Variants in RMND5A observed in about 807,000 individuals in gnomAD.
The protein encoded by RMND5A is E3 ubiquitin-protein transferase RMND5A.
A neutral mutation model predicts 49.7 loss-of-function variants in RMND5A; 17 were observed. The ratio of observed to expected loss-of-function variants is 0.34; its 90% CI spans 0.23 to 0.51. The LOEUF is 0.51. Among genes scored for constraint, RMND5A ranks in the 20% least tolerant of loss-of-function variants. The pLI is 0.96. For missense variants in RMND5A, 255 were observed against 471.3 expected (o/e 0.54, Z 4.25); for synonymous variants, 156 against 167.7 (o/e 0.93, Z 0.54).
chr2:86,748,935 G>A (rs1258021615), intron 2 of RMND5A, among the ~76,000 whole-genome samples: 1 of 152,194 alleles, frequency 6.6e-6, no homozygotes, highest in East Asian at 1.9e-4. Flanking sequence ...CAGTTGATAA[G>A]TTAGTGAGAG....
At chr2:86,764,736 G>A (rs763472102) in intron 4 of RMND5A, among the ~76,000 whole-genome samples, 2 of 152,166 alleles carry the variant, frequency 1.3e-5, no homozygotes, top group African/African-American at 2.4e-5. Context: ...GGCTGACACC[G>A]CTTCAAAGTG....
chr2:86,771,536 C>CTT (rs56328788), intron 7 of RMND5A, 22 bp from the exon 8 acceptor site: 255 of 1,424,590 alleles, frequency 1.8e-4, no homozygotes, highest in African/African-American at 7.5e-4. Context: ...AGCTTTTTTA[C>CTT]TTTTTTTTTT....
intron 4 of RMND5A, among the ~76,000 whole-genome samples, chr2:86,762,499 G>A (rs568107722): frequency 9.9e-5 from 15 of 151,594 alleles, no homozygotes; most frequent in Non-Finnish European, 1.8e-4. Flanking sequence ...GCAAAAATGA[G>A]CTGGATGCAG....
Position 86,770,266 on chromosome 2 carries a change from A to T in RMND5A, c.957+141A>T, listed in dbSNP as rs572611262. The T allele has an allele frequency of 2.9e-3, 1,948 of 665,682 alleles. 9 individuals carry two copies. The highest frequency in any genetic ancestry group is 4.3e-3 in the Non-Finnish European group (1,631 of 375,856). 41.2% of individuals were successfully genotyped at this position (665,682 alleles called of 1,614,324 possible). On this transcript the variant is annotated intron_variant, in intron 7 of 8. Coordinates refer to ENST00000283632, the MANE Select transcript of RMND5A (RefSeq NM_022780.4). The stretch of plus-strand genomic sequence containing the variant: ...CTTTTATGGATATATAAAAGATTAA[A>T]CAATACAAATGAAGAGCCTAGTACA...
chr2:86,769,455 A>G (rs1290706387), intron 6 of RMND5A, among the ~76,000 whole-genome samples: 3 of 152,226 alleles, frequency 2.0e-5, no homozygotes, highest in African/African-American at 7.2e-5. Context: ...TATGTCTTGT[A>G]TATTGCTGAG....
chr2:86,764,147 T>A (rs905044863), intron 4 of RMND5A, among the ~76,000 whole-genome samples: 1 of 152,232 alleles, frequency 6.6e-6, no homozygotes, highest in Admixed American at 6.5e-5. Flanking sequence ...GATTTTGTAT[T>A]CTTACCCAGT....
intron 4 of RMND5A, among the ~76,000 whole-genome samples, chr2:86,764,123 T>C (rs1195496794): frequency 3.3e-5 from 5 of 152,228 alleles, no homozygotes; most frequent in African/African-American, 1.2e-4. Flanking sequence ...TCTTGTGGTT[T>C]ATGGAGTTAC....
intron 4 of RMND5A, among the ~76,000 whole-genome samples, chr2:86,755,249 G>A (rs1015552062): frequency 6.6e-6 from 1 of 151,938 alleles, no homozygotes; most frequent in African/African-American, 2.4e-5. Flanking sequence ...CTCCTGAGTA[G>A]CTAAGACTAC....
chr2:86,754,035 C>T (rs1426007871), intron 4 of RMND5A, among the ~76,000 whole-genome samples: 1 of 152,132 alleles, frequency 6.6e-6, no homozygotes, highest in African/African-American at 2.4e-5. Context: ...GGTAATTGAC[C>T]ATGAACCTCT....
Position 86,753,524 on chromosome 2 carries a change from G to A in RMND5A, c.487G>A (p.Ala163Thr). Residue 163 changes from alanine to threonine, a missense_variant, in exon 4 of 9, where the codon GCA becomes ACA. Physicochemically the swap from Ala to Thr is moderately conservative, Grantham distance 58 (BLOSUM62 0). This residue lies in a region of RMND5A where 208 missense variants were observed against 339.8 expected (regional missense o/e 0.61). Coordinates refer to ENST00000283632, the MANE Select transcript of RMND5A (RefSeq NM_022780.4). Reference protein sequence around the residue: ...PFVELNRILEALKVRVLRPAL... With the variant: ...PFVELNRILETLKVRVLRPAL... ...TGTGGAGTTAAATAGAATATTAGAG[G>A]CATTAAAGGTCAGAGTTCTGAGACC... 6.2e-7 allele frequency: 1 copy of A among 1,611,044 alleles called. No homozygotes were observed. The highest frequency in any genetic ancestry group is 8.5e-7 in the Non-Finnish European group (1 of 1,177,624).
chr2:86,724,110 G>C (rs1412075484), intron 1 of RMND5A, among the ~76,000 whole-genome samples: 5 of 149,418 alleles, frequency 3.3e-5, no homozygotes, highest in Admixed American at 3.3e-4. Flanking sequence ...CTTTTAAATG[G>C]GGTTGGACTG....
In RMND5A at chr2:86,776,353, C is replaced by T. The variant is rs1302818850; in HGVS notation, c.*2942C>T. The T allele has an allele frequency of 6.6e-6, 1 of 152,164 alleles. No individual in the cohort carries two copies. The highest frequency in any genetic ancestry group is 1.5e-5 in the Non-Finnish European group (1 of 68,036). 9.4% of individuals were successfully genotyped at this position (152,164 alleles called of 1,614,324 possible). On this transcript the variant is annotated 3_prime_UTR_variant, in exon 9 of 9. Coordinates refer to ENST00000283632, the MANE Select transcript of RMND5A (RefSeq NM_022780.4). ...TTGAAGAAAAGAGCCACCTCATATT[C>T]ATAGGGTGTGTATTTTTTGAGTGTG...
intron 1 of RMND5A, 35 bp downstream of exon 1, chr2:86,720,844 C>T (rs1681194307): frequency 1.9e-6 from 3 of 1,539,754 alleles, no homozygotes; most frequent in Non-Finnish European, 1.7e-6. Flanking sequence ...GGGGCATGGC[C>T]CACTGCCCGA....
intron 2 of RMND5A, among the ~76,000 whole-genome samples, chr2:86,742,478 T>C (rs1681465468): frequency 6.9e-6 from 1 of 144,010 alleles, no homozygotes; most frequent in Non-Finnish European, 1.5e-5. Flanking sequence ...TTTGAAGTCT[T>C]CAGTTGGTTC....
At chr2:86,764,483 TTTGC>T (rs1292615686) in intron 4 of RMND5A, among the ~76,000 whole-genome samples, 1 of 152,328 alleles carries the variant, frequency 6.6e-6, no homozygotes, top group South Asian at 2.1e-4. Flanking sequence ...TACAAATCAT[TTTGC>T]ACAGTAAGAT....
chr2:86,744,225 G>T (rs1021550443), intron 2 of RMND5A, among the ~76,000 whole-genome samples: 3 of 152,124 alleles, frequency 2.0e-5, no homozygotes, highest in Non-Finnish European at 4.4e-5. Context: ...CAGGAATTCC[G>T]TGTAGGCTGT....
chr2:86,776,850 TATCTC>T lies in RMND5A; in HGVS notation c.*3440_*3444del. 8.5e-6 allele frequency: 1 copy of T among 117,818 alleles called. No homozygotes were observed. The highest frequency in any genetic ancestry group is 3.4e-5 in the African/African-American group (1 of 29,598). 7.3% of individuals were successfully genotyped at this position (117,818 alleles called of 1,614,324 possible). Reference sequence around the variant, plus strand: ...TTTCATCACTTAACTATACGTACTTTATCTCTGGTAACACTAGAATGCTGTGGTCT... The same window carrying T: ...TTTCATCACTTAACTATACGTACTTTTGGTAACACTAGAATGCTGTGGTCT... On this transcript the variant is annotated 3_prime_UTR_variant, in exon 9 of 9. Transcript: ENST00000283632.
intron 4 of RMND5A, among the ~76,000 whole-genome samples, chr2:86,763,599 G>A (rs1294213115): frequency 2.0e-5 from 3 of 151,982 alleles, no homozygotes; most frequent in Non-Finnish European, 4.4e-5. Context: ...GGGCAACATA[G>A]TGTTTACAAA....
chr2:86,764,107 T>C (rs915988564), intron 4 of RMND5A, among the ~76,000 whole-genome samples: 1 of 152,216 alleles, frequency 6.6e-6, no homozygotes, highest in African/African-American at 2.4e-5. Context: ...ATTTGAAAGA[T>C]TTTACTCTTG....
Sources: allele counts gnomAD v4.1 joint callset (sites outside exome capture counted in the v4.1 genomes callset), GRCh38; gene constraint gnomAD v4.1.1; regional missense constraint gnomAD v4.1.1; transcripts MANE v1.5; gene names NCBI Gene and HGNC (gene_info 2026-07-23, HGNC 2026-07-21).